The following BCAS3 variants were observed in gnomAD, a reference collection of about 807,000 sequenced individuals.
The protein encoded by BCAS3 is BCAS4/BCAS3 fusion.
BCAS3 carries 53 observed loss-of-function variants against 116.1 expected under a neutral mutation model. The ratio of observed to expected loss-of-function variants is 0.46; its 90% CI spans 0.37 to 0.57. The LOEUF (loss-of-function observed/expected upper bound fraction) is 0.57, where lower values mean the gene tolerates loss of function less well. Among genes scored for constraint, BCAS3 ranks in the 20% least tolerant of loss-of-function variants. BCAS3 has a pLI of 0.00. For synonymous variants in BCAS3, 391 were observed against 408.2 expected (o/e 0.96, Z 0.51); for missense variants, 917 against 1,165.4 (o/e 0.79, Z 3.10).
In BCAS3 at chr17:61,203,503, G is replaced by T. The variant is rs893571515; in HGVS notation, c.2425+118939G>T. Among the ~76,000 whole-genome samples, 3 of 151,796 alleles carry T rather than the reference G, an allele frequency of 2.0e-5. No individual in the cohort carries two copies. The highest frequency in any genetic ancestry group is 7.3e-5 in the African/African-American group (3 of 41,300). Reference sequence around the variant, plus strand: ...CTTCCTGATTTCTGGGGGATAAGAGGGGAACCAAAAAGATAGTTTATGAAG... The same window carrying T: ...CTTCCTGATTTCTGGGGGATAAGAGTGGAACCAAAAAGATAGTTTATGAAG... On this transcript the variant is annotated intron_variant, in intron 22 of 23. Coordinates refer to ENST00000407086, the MANE Select transcript of BCAS3 (RefSeq NM_017679.5). This position sits in a 1 kb window ranked among gnomAD's most constrained non-coding sequence, Gnocchi z 5.7.
intron 22 of BCAS3, among the ~76,000 whole-genome samples, chr17:61,165,646 A>G (rs1384897051): frequency 1.3e-5 from 2 of 152,214 alleles, no homozygotes; most frequent in African/African-American, 4.8e-5. Context: ...AGATTGCACC[A>G]TTGCACTCCA....
chr17:60,702,580 AAAAAG>A (rs1427436956), intron 4 of BCAS3, among the ~76,000 whole-genome samples: 10 of 152,208 alleles, frequency 6.6e-5, no homozygotes, highest in African/African-American at 2.2e-4. Flanking sequence ...ACTATTGTTA[AAAAAG>A]AAAAGGAATT....
chr17:61,267,535 C>T (rs566231811), intron 22 of BCAS3, among the ~76,000 whole-genome samples: 3 of 150,854 alleles, frequency 2.0e-5, no homozygotes, highest in East Asian at 2.0e-4. Context: ...ATCAGGAGTT[C>T]GAGACCAGCC....
chr17:61,351,093 T>G (rs573563140), intron 22 of BCAS3, among the ~76,000 whole-genome samples: 3 of 152,206 alleles, frequency 2.0e-5, no homozygotes, highest in Non-Finnish European at 4.4e-5. Flanking sequence ...CTACATTCAT[T>G]CAGTAAACAA....
At chr17:60,818,042 A>T (rs967154438) in intron 7 of BCAS3, among the ~76,000 whole-genome samples, 2 of 151,950 alleles carry the variant, frequency 1.3e-5, no homozygotes, top group African/African-American at 4.8e-5. Context: ...TTTAGTAGAG[A>T]TAGGGTTTCC....
intron 5 of BCAS3, among the ~76,000 whole-genome samples, chr17:60,728,191 C>G (rs2040104814): frequency 6.6e-6 from 1 of 152,052 alleles, no homozygotes; most frequent in Non-Finnish European, 1.5e-5. Context: ...ACACAGAATA[C>G]TCTCACTGCC....
chr17:60,988,844 A>G (rs2063344272), intron 14 of BCAS3, among the ~76,000 whole-genome samples: 1 of 151,438 alleles, frequency 6.6e-6, no homozygotes, highest in Non-Finnish European at 1.5e-5. Context: ...CCAACTTTTC[A>G]TTTTGTTAAT....
intron 22 of BCAS3, among the ~76,000 whole-genome samples, chr17:61,163,206 C>T (rs8068153): frequency 0.023 from 3,508 of 152,150 alleles, 147 homozygotes; most frequent in African/African-American, 0.08. Flanking sequence ...GGGCAGATCA[C>T]GAGGTCAGGA....
Position 61,095,049 on chromosome 17 carries a change from G to C in BCAS3, c.2425+10485G>C, listed in dbSNP as rs992883021. On this transcript the variant is annotated intron_variant, in intron 22 of 23. Transcript: ENST00000407086. The surrounding 1 kb of genome is among the most constrained non-coding windows in gnomAD (Gnocchi z 4.7). Reference sequence around the variant, plus strand: ...GATTTTAATGTAATAGAATATGAAAGTTAATTGATATAGTTTCAGATTCCA... The same window carrying C: ...GATTTTAATGTAATAGAATATGAAACTTAATTGATATAGTTTCAGATTCCA... Among the ~76,000 whole-genome samples the C allele has an allele frequency of 1.3e-5, 2 of 152,188 alleles. No homozygotes were observed. Among genetic ancestry groups the C allele is most frequent in the African/African-American group, 2.4e-5 (1 of 41,448 alleles).
intron 7 of BCAS3, chr17:60,810,324 C>T (rs1051071279): frequency 5.3e-5 from 24 of 449,908 alleles, no homozygotes; most frequent in Middle Eastern, 5.7e-4. Context: ...ACTCCACCAA[C>T]TTCTGGGGTG....
intron 7 of BCAS3, among the ~76,000 whole-genome samples, chr17:60,823,406 G>C (rs1045583642): frequency 2.0e-5 from 3 of 152,126 alleles, no homozygotes; most frequent in Admixed American, 2.0e-4. Flanking sequence ...TGGCTTTATA[G>C]AGAGGATTGA....
At chr17:60,777,247 A>G (rs1256359794) in intron 6 of BCAS3, among the ~76,000 whole-genome samples, 1 of 152,122 alleles carries the variant, frequency 6.6e-6, no homozygotes, top group Non-Finnish European at 1.5e-5. Flanking sequence ...CTATACTTAA[A>G]AAAGCTTTGC....
rs1568788572 is a variant in BCAS3 at position 61,298,821 on chromosome 17, T to TATTA, written c.2426-69505_2426-69502dup. ...TTATTTATTTATTTATTTATTTATT[T>TATTA]ATTATTATTATTATTATTTGAGATG... On this transcript the variant is annotated intron_variant, in intron 22 of 23. Transcript: ENST00000407086. Among the ~76,000 whole-genome samples the TATTA allele has an allele frequency of 9.7e-5, 13 of 133,606 alleles. No homozygotes were observed. The South Asian group carries it at 2.9e-3, about 29-fold the overall frequency. The allele number at this position is 133,606 out of a possible 152,430, so 87.7% of individuals were successfully genotyped here. A position where few individuals can be genotyped will look rare whatever the true frequency, so the allele number is the denominator to read the frequency against.
rs2066868518 is a variant in BCAS3 at position 61,034,426 on chromosome 17, A to G, written c.1638-240A>G. Reference sequence around the variant, plus strand: ...GATTTTGCCAGCACATACTTCAAAAAGGAGTTGATTTTTATTGGTCTTATA... The same window carrying G: ...GATTTTGCCAGCACATACTTCAAAAGGGAGTTGATTTTTATTGGTCTTATA... On this transcript the variant is annotated intron_variant, in intron 16 of 23. Transcript: ENST00000407086. This position sits in a 1 kb window ranked among gnomAD's most constrained non-coding sequence, Gnocchi z 5.0. Among the ~76,000 whole-genome samples the G allele has an allele frequency of 6.6e-6, 1 of 152,206 alleles. No homozygotes were observed. The highest frequency in any genetic ancestry group is 2.1e-4 in the South Asian group (1 of 4,828).
At chr17:60,889,492 G>A (rs1004478951) in intron 9 of BCAS3, among the ~76,000 whole-genome samples, 1 of 152,168 alleles carries the variant, frequency 6.6e-6, no homozygotes, top group Non-Finnish European at 1.5e-5. Context: ...TTGGGACAGA[G>A]TTAAGCCAAA....
intron 6 of BCAS3, among the ~76,000 whole-genome samples, chr17:60,804,871 T>A (rs1403609182): frequency 6.6e-6 from 1 of 152,068 alleles, no homozygotes; most frequent in African/African-American, 2.4e-5. Flanking sequence ...TATATAGTCC[T>A]TTTTATTTTA....
rs4968527 is a variant in BCAS3 at position 61,124,390 on chromosome 17, A to G, written c.2425+39826A>G. Among the ~76,000 whole-genome samples, 129,881 of 152,066 alleles carry G rather than the reference A, an allele frequency of 0.85. 58,911 individuals are homozygous for G. The highest frequency in any genetic ancestry group is 1 in the Non-Finnish European group (67,779 of 68,014). ...TTGTCAGTCTATAAAAGTAGGGATT[A>G]TAATATAACAATGCATCTTTTTATT... On this transcript the variant is annotated intron_variant, in intron 22 of 23. Coordinates refer to ENST00000407086, the MANE Select transcript of BCAS3 (RefSeq NM_017679.5). The surrounding 1 kb of genome is among the most constrained non-coding windows in gnomAD (Gnocchi z 4.6).
chr17:60,828,564 A>G (rs2050635789), intron 7 of BCAS3, among the ~76,000 whole-genome samples: 1 of 152,196 alleles, frequency 6.6e-6, no homozygotes, highest in African/African-American at 2.4e-5. Flanking sequence ...CAAAGACTAT[A>G]TGGATATAAT....
At chr17:61,089,537 T>C (rs2073366691) in intron 22 of BCAS3, among the ~76,000 whole-genome samples, 1 of 104,204 alleles carries the variant, frequency 9.6e-6, no homozygotes, top group African/African-American at 4.0e-5. Flanking sequence ...TTTTTTTTTT[T>C]TTTTTTTTTT....
Sources: allele counts gnomAD v4.1 joint callset (sites outside exome capture counted in the v4.1 genomes callset), GRCh38; gene constraint gnomAD v4.1.1; non-coding constraint Gnocchi (gnomAD v3.1); transcripts MANE v1.5; gene names NCBI Gene and HGNC (gene_info 2026-07-23, HGNC 2026-07-21).